Variants in LINGO2 observed in about 807,000 individuals in gnomAD.
The protein encoded by LINGO2 is leucine-rich repeat and immunoglobulin-like domain-containing nogo receptor-interacting protein 2.
In LINGO2, 14 loss-of-function variants were observed where a neutral mutation model predicts 30.6. The ratio of observed to expected loss-of-function variants is 0.46; its 90% CI spans 0.30 to 0.72. The LOEUF (loss-of-function observed/expected upper bound fraction) is 0.72. Ranked by LOEUF, LINGO2 falls within the 30% of genes least tolerant of loss-of-function variation. LINGO2 has a pLI of 0.07. For synonymous variants in LINGO2, 317 were observed against 288.5 expected, an observed-to-expected ratio of 1.10 and a Z score of -1.00; for missense variants, 729 against 751.7, an observed-to-expected ratio of 0.97 and a Z score of 0.35.
At chr9:28,103,829 T>C (rs1232252244) in intron 4 of LINGO2, among the ~76,000 whole-genome samples, 1 of 152,212 alleles carries the variant, frequency 6.6e-6, no homozygotes, top group African/African-American at 2.4e-5. Context: ...ATTTTAACTC[T>C]TTTGAATACC....
intron 3 of LINGO2, among the ~76,000 whole-genome samples, chr9:28,368,576 T>TTTCTC (rs1820765833): frequency 8.0e-6 from 1 of 125,598 alleles, no homozygotes; most frequent in Non-Finnish European, 1.7e-5. Context: ...GCCTTCTTTC[T>TTTCTC]TTCTCTTCTT....
At chr9:28,024,241 C>T (rs1445671671) in intron 4 of LINGO2, among the ~76,000 whole-genome samples, 1 of 152,126 alleles carries the variant, frequency 6.6e-6, no homozygotes, top group East Asian at 1.9e-4. Flanking sequence ...GGGCTGCTTC[C>T]TACAGTTGTG....
chr9:29,211,933 A>G, the LINGO2 span, among the ~76,000 whole-genome samples: 1 of 152,064 alleles, frequency 6.6e-6, no homozygotes, highest in Non-Finnish European at 1.5e-5. Flanking sequence ...TACACATACA[A>G]CAGAGCACCA....
the LINGO2 span, among the ~76,000 whole-genome samples, chr9:28,678,438 T>C: frequency 2.0e-5 from 3 of 152,180 alleles, no homozygotes; most frequent in Admixed American, 2.0e-4. Context: ...TGATATTCTG[T>C]TTGGCTTCCT....
chr9:28,663,182 T>G (rs186661871), intron 1 of LINGO2, among the ~76,000 whole-genome samples: 68 of 152,234 alleles, frequency 4.5e-4, no homozygotes, highest in Admixed American at 1.6e-3. Flanking sequence ...TTTGTTGTTG[T>G]TGGTGGGGAA....
intron 4 of LINGO2, among the ~76,000 whole-genome samples, chr9:28,110,375 A>C (rs1324638301): frequency 6.6e-6 from 1 of 152,224 alleles, no homozygotes; most frequent in African/African-American, 2.4e-5. Context: ...ATTTGCAACA[A>C]AAGCCAAAAT....
intron 4 of LINGO2, among the ~76,000 whole-genome samples, chr9:28,166,386 C>A (rs910868817): frequency 1.3e-5 from 2 of 152,310 alleles, no homozygotes; most frequent in African/African-American, 4.8e-5. Context: ...GTGGGAGGTA[C>A]CTACCGGATG....
At chr9:28,588,391 G>T (rs77354742) in intron 1 of LINGO2, among the ~76,000 whole-genome samples, 1 of 151,954 alleles carries the variant, frequency 6.6e-6, no homozygotes, top group African/African-American at 2.4e-5. Flanking sequence ...TTGCAGACTT[G>T]TTATCCAGTA....
the LINGO2 span, among the ~76,000 whole-genome samples, chr9:28,832,346 C>T: frequency 0.4 from 61,210 of 151,844 alleles, 12,667 homozygotes; most frequent in East Asian, 0.52. Context: ...CAATTTGTTA[C>T]AAATACCTCA....
At chr9:29,188,201 G>T in the LINGO2 span, among the ~76,000 whole-genome samples, 29 of 151,588 alleles carry the variant, frequency 1.9e-4, no homozygotes, top group African/African-American at 7.0e-4. Context: ...GTACTTAAGA[G>T]TAGGGAGTGG....
intron 4 of LINGO2, among the ~76,000 whole-genome samples, chr9:28,286,029 A>T (rs1823495282): frequency 6.6e-6 from 1 of 152,200 alleles, no homozygotes; most frequent in African/African-American, 2.4e-5. Flanking sequence ...CATGATACCT[A>T]ATAAATGCTT....
At chr9:28,506,475 C>CAG (rs1820131172) in intron 1 of LINGO2, among the ~76,000 whole-genome samples, 2 of 15,910 alleles carry the variant, frequency 1.3e-4, no homozygotes, top group African/African-American at 3.8e-4. Flanking sequence ...CACACACACA[C>CAG]ACACATACAC....
intron 1 of LINGO2, among the ~76,000 whole-genome samples, chr9:28,610,753 A>T (rs1198288633): frequency 6.6e-6 from 1 of 152,182 alleles, no homozygotes; most frequent in East Asian, 1.9e-4. Flanking sequence ...CAAAAAAGCT[A>T]AGTCATATAT....
the LINGO2 span, among the ~76,000 whole-genome samples, chr9:29,172,375 C>A: frequency 6.6e-6 from 1 of 151,766 alleles, no homozygotes; most frequent in Admixed American, 6.6e-5. Flanking sequence ...ACAATCAGAA[C>A]TCAAATTTAT....
At chr9:28,660,804 A>C (rs556753923) in intron 1 of LINGO2, among the ~76,000 whole-genome samples, 1 of 152,136 alleles carries the variant, frequency 6.6e-6, no homozygotes, top group Non-Finnish European at 1.5e-5. Context: ...AATAAAAAAG[A>C]GGTAGCATCA....
chr9:28,181,704 G>A (rs919771860), intron 4 of LINGO2, among the ~76,000 whole-genome samples: 9 of 152,066 alleles, frequency 5.9e-5, no homozygotes, highest in Non-Finnish European at 1.3e-4. Context: ...TCAGCAGCAG[G>A]GTTCATTCTC....
intron 5 of LINGO2, among the ~76,000 whole-genome samples, chr9:28,004,790 G>A (rs1822177846): frequency 1.3e-5 from 2 of 152,134 alleles, no homozygotes. Flanking sequence ...ACCAAAATAG[G>A]GTGATGGTTT....
At chr9:29,047,474 C>G in the LINGO2 span, among the ~76,000 whole-genome samples, 1 of 152,132 alleles carries the variant, frequency 6.6e-6, no homozygotes, top group Middle Eastern at 3.4e-3. Context: ...GTGAAAAGCT[C>G]TCAACATAAT....
At chr9:28,002,402 A>AT (rs528399696) in intron 5 of LINGO2, among the ~76,000 whole-genome samples, 64 of 152,268 alleles carry the variant, frequency 4.2e-4, no homozygotes, top group Non-Finnish European at 8.1e-4. Flanking sequence ...AATAGTGCCA[A>AT]TTTATTTATT....
Sources: allele counts gnomAD v4.1 joint callset (sites outside exome capture counted in the v4.1 genomes callset), GRCh38; gene constraint gnomAD v4.1.1; transcripts MANE v1.5; gene names NCBI Gene and HGNC (gene_info 2026-07-23, HGNC 2026-07-21).